The following SHANK2 variants were observed in gnomAD, a reference collection of about 807,000 sequenced individuals.
The protein encoded by SHANK2 is SH3 and multiple ankyrin repeat domains protein 2.
In SHANK2, 43 loss-of-function variants were observed where a neutral mutation model predicts 133.7. The ratio of observed to expected loss-of-function variants is 0.32; its 90% CI spans 0.25 to 0.41. SHANK2 has a LOEUF of 0.41. SHANK2 is among the 10% of genes least tolerant of loss of function. SHANK2 has a pLI of 1.00. For synonymous variants in SHANK2, 1,017 were observed against 952.8 expected, an observed-to-expected ratio of 1.07 and a Z score of -1.24; for missense variants, 1,994 against 2,235.8, an observed-to-expected ratio of 0.89 and a Z score of 2.18.
chr11:70,781,112 G>T (rs1303068020), intron 14 of SHANK2, among the ~76,000 whole-genome samples: 2 of 152,054 alleles, frequency 1.3e-5, no homozygotes, highest in East Asian at 3.9e-4. Context: ...TGACCCACAT[G>T]CAAATCCTCA....
intron 2 of SHANK2, among the ~76,000 whole-genome samples, chr11:71,204,199 A>G (rs1426086674): frequency 6.6e-6 from 1 of 151,980 alleles, no homozygotes; most frequent in Non-Finnish European, 1.5e-5. Context: ...TTACAAGAAC[A>G]TAAGTTACTT....
At chr11:70,789,056 C>T (rs1349243349) in intron 14 of SHANK2, among the ~76,000 whole-genome samples, 3 of 152,148 alleles carry the variant, frequency 2.0e-5, no homozygotes, top group African/African-American at 7.2e-5. Context: ...TAAGGGCCCC[C>T]TACGCTGGTA....
chr11:70,708,772 A>G (rs1218370286), intron 14 of SHANK2, among the ~76,000 whole-genome samples: 2 of 152,218 alleles, frequency 1.3e-5, no homozygotes, highest in African/African-American at 4.8e-5. Context: ...CCCAAGTGCT[A>G]CGTCCCAAAT....
chr11:71,133,237 A>ATGGATGGATGG (rs1952357214), intron 3 of SHANK2, among the ~76,000 whole-genome samples: 1 of 109,062 alleles, frequency 9.2e-6, no homozygotes, highest in Non-Finnish European at 1.9e-5. Flanking sequence ...TGCACAGATG[A>ATGGATGGATGG]ATGGATGGAT....
intron 17 of SHANK2, among the ~76,000 whole-genome samples, chr11:70,564,498 G>C (rs1354112356): frequency 6.6e-6 from 1 of 152,010 alleles, no homozygotes; most frequent in Non-Finnish European, 1.5e-5. Flanking sequence ...GACCTCAACT[G>C]ATCTGCCCGC....
chr11:70,540,484 G>A (rs1227751536), intron 17 of SHANK2, among the ~76,000 whole-genome samples: 6 of 152,006 alleles, frequency 3.9e-5, no homozygotes, highest in Admixed American at 1.3e-4. Context: ...CCCTGCCCGC[G>A]GGAGCCTGGG....
At position 70,699,498 on chromosome 11, in the gene SHANK2, C is replaced by A. The variant is rs547034153; in HGVS notation, c.1778-735G>T. On this transcript the variant is annotated intron_variant, in intron 14 of 25. Transcript: ENST00000601538. ...CAGGATTTCCTGCATGATCTCCTAC[C>A]TAAGCCCTGCAAAACATCCAAAGAA... Among the ~76,000 whole-genome samples the A allele has an allele frequency of 6.6e-5, 10 of 152,274 alleles. No individual in the cohort carries two copies. In the South Asian group the frequency reaches 1.9e-3, roughly 28 times the overall value.
Position 70,697,645 on chromosome 11 carries a change from A to C in SHANK2, c.1853+1043T>G, listed in dbSNP as rs559316628. Among the ~76,000 whole-genome samples, 169 of 150,524 alleles carry C rather than the reference A, an allele frequency of 1.1e-3. 1 individual carries two copies. Among genetic ancestry groups the C allele is most frequent in the African/African-American group, 3.9e-3 (154 of 39,846 alleles). On this transcript the variant is annotated intron_variant, in intron 15 of 25. Transcript: ENST00000601538. ...CATTTTACTTCAATCAAAACAGACA[A>C]ACAAAAACAAATCAATCAGCTAACC... is the stretch of plus-strand genomic sequence containing the variant.
intron 17 of SHANK2, among the ~76,000 whole-genome samples, chr11:70,613,450 A>G (rs1591650046): frequency 6.6e-6 from 1 of 152,006 alleles, no homozygotes; most frequent in African/African-American, 2.4e-5. Context: ...TGATCCGCCC[A>G]CCTCGGCCTC....
chr11:70,623,305 A>G (rs4980545), intron 17 of SHANK2, among the ~76,000 whole-genome samples: 56,067 of 151,646 alleles, frequency 0.37, 11,094 homozygotes, highest in Non-Finnish European at 0.44. Flanking sequence ...CTGGGGCTCT[A>G]AGCCCACCTC....
chr11:71,227,160 A>G (rs1291926607), intron 1 of SHANK2, among the ~76,000 whole-genome samples: 1 of 152,178 alleles, frequency 6.6e-6, no homozygotes, highest in Non-Finnish European at 1.5e-5. Context: ...ATGTTCAAAT[A>G]ACCCACAAGA....
At chr11:70,503,083 G>A in intron 17 of SHANK2, 152 bp from the exon 18 acceptor site, 4 of 846,070 alleles carry the variant, frequency 4.7e-6, no homozygotes, top group Non-Finnish European at 7.9e-6. Flanking sequence ...GGAAGCAAAG[G>A]TGCTTTTGGG....
intron 11 of SHANK2, among the ~76,000 whole-genome samples, chr11:70,866,649 C>T (rs1949363303): frequency 6.6e-6 from 1 of 152,124 alleles, no homozygotes; most frequent in South Asian, 2.1e-4. Context: ...ATCTAAAGTC[C>T]TATCTCAGTA....
intron 14 of SHANK2, among the ~76,000 whole-genome samples, chr11:70,738,840 C>T (rs1363106739): frequency 6.6e-6 from 1 of 152,234 alleles, no homozygotes; most frequent in Non-Finnish European, 1.5e-5. Context: ...TCACGGCCTC[C>T]AGCCACGTCC....
intron 14 of SHANK2, among the ~76,000 whole-genome samples, chr11:70,729,243 C>A (rs1180829881): frequency 6.6e-6 from 1 of 150,798 alleles, no homozygotes; most frequent in African/African-American, 2.4e-5. Flanking sequence ...AATACTGATA[C>A]ACGTGGCAAC....
chr11:70,846,454 G>A (rs1274579550), intron 11 of SHANK2, among the ~76,000 whole-genome samples: 1 of 152,022 alleles, frequency 6.6e-6, no homozygotes, highest in Non-Finnish European at 1.5e-5. Flanking sequence ...ATTTTTTGTA[G>A]AGATGGGGCC....
chr11:71,067,997 AT>A lies in SHANK2; in HGVS notation c.1029+7161del, dbSNP rs1391373722. 5.3e-5 allele frequency among the ~76,000 whole-genome samples: 8 copies of A among 151,934 alleles called. No individual in the cohort carries two copies. The East Asian group carries it at 1.5e-3, about 29-fold the overall frequency. On this transcript the variant is annotated intron_variant, in intron 9 of 25. Transcript: ENST00000601538. ...CACCATCATCACCACCACCATCACC[AT>A]CATCACCATCCATATCATCACTAGC...
At chr11:70,863,767 A>ACTTAACTTAAAGT (rs1949301883) in intron 11 of SHANK2, 1 of 452,726 alleles carries the variant, frequency 2.2e-6, no homozygotes, top group East Asian at 7.0e-5. Context: ...GGAGTCACTC[A>ACTTAACTTAAAGT]GGTAGGTCCT....
chr11:70,896,096 T>G (rs1555075644), intron 11 of SHANK2, among the ~76,000 whole-genome samples: 1 of 152,192 alleles, frequency 6.6e-6, no homozygotes, highest in African/African-American at 2.4e-5. Context: ...TCAATTTTTA[T>G]CATTAATGGG....
Sources: gnomAD v4.1 joint callset for allele counts (sites outside exome capture counted in the v4.1 genomes callset) on GRCh38, gnomAD v4.1.1 for gene constraint, MANE v1.5 for transcripts, NCBI Gene and HGNC (gene_info 2026-07-23, HGNC 2026-07-21) for gene names.